Variants in PSPC1 observed in about 807,000 individuals in gnomAD.
PSPC1 encodes paraspeckle protein 1.
PSPC1 carries 14 observed loss-of-function variants against 51.6 expected under a neutral mutation model. The observed-to-expected ratio is 0.27, with a 90% CI of 0.18 to 0.42. The LOEUF (loss-of-function observed/expected upper bound fraction) is 0.42, where lower values mean the gene tolerates loss of function less well. PSPC1 is among the 10% of genes least tolerant of loss of function. PSPC1 has a pLI of 1.00. For synonymous variants in PSPC1, 193 were observed against 231.9 expected, an observed-to-expected ratio of 0.83 and a Z score of 1.53; for missense variants, 406 against 701.1, an observed-to-expected ratio of 0.58 and a Z score of 4.75.
intron 1 of PSPC1, among the ~76,000 whole-genome samples, chr13:19,774,814 A>AT (rs1172586886): frequency 6.7e-6 from 1 of 149,704 alleles, no homozygotes; most frequent in Non-Finnish European, 1.5e-5. Context: ...CCAAAAAAAA[A>AT]AAAACAAAAA....
chr13:19,706,000 T>C (rs1880607181), intron 7 of PSPC1, among the ~76,000 whole-genome samples, 169 bp from the exon 8 acceptor site: 2 of 152,220 alleles, frequency 1.3e-5, no homozygotes. Flanking sequence ...ACCTACACTC[T>C]AGAATTAGAA....
rs905550079 is a variant in PSPC1 at position 19,730,439 on chromosome 13, T to C, written c.1053-95A>G. The C allele has an allele frequency of 6.4e-5, 73 of 1,136,424 alleles. No individual in the cohort carries two copies. The African/African-American group carries it at 8.1e-4, about 13-fold the overall frequency. 70.4% of individuals were successfully genotyped at this position (1,136,424 alleles called of 1,614,324 possible). On this transcript the variant is annotated intron_variant, in intron 5 of 8. Transcript: ENST00000338910. ...TAAAATGAAATCATTTATGCAATCA[T>C]ATTATGCCAAACCTGTAATCACGAC...
Position 19,691,836 on chromosome 13 carries a change from T to C in PSPC1, c.1159-14013A>G, listed in dbSNP as rs369396335. Among the ~76,000 whole-genome samples the C allele has an allele frequency of 2.2e-3, 338 of 152,158 alleles. 11 individuals are homozygous for C. In the South Asian group the frequency reaches 0.053, roughly 24 times the overall value. ...AGAAGGCTGAGGCAGGACAATCACT[T>C]GAACCTGGGAGGTGGATGTTGCAGT... On this transcript the variant is annotated intron_variant and NMD_transcript_variant, in intron 6 of 7. Transcript: ENST00000471658.
At chr13:19,684,972 C>G (rs979663475) in intron 6 of PSPC1, among the ~76,000 whole-genome samples, 1 of 152,188 alleles carries the variant, frequency 6.6e-6, no homozygotes, top group Non-Finnish European at 1.5e-5. Context: ...AAACAGAAGA[C>G]AAGTTTAAAA....
chr13:19,687,854 C>T (rs1249927281), intron 6 of PSPC1, among the ~76,000 whole-genome samples: 1 of 152,030 alleles, frequency 6.6e-6, no homozygotes, highest in Admixed American at 6.5e-5. Context: ...CAAAAATCTC[C>T]TAACGATTTT....
rs35394300 is a variant in PSPC1, at chr13:19,768,974, CA to C, written c.674+3267del. Among the ~76,000 whole-genome samples, 687 of 123,714 alleles carry C rather than the reference CA, an allele frequency of 5.6e-3. 2 individuals carry two copies. Among genetic ancestry groups the C allele is most frequent in the Admixed American group, 5.7e-3 (69 of 12,128 alleles). 81.2% of individuals were successfully genotyped at this position (123,714 alleles called of 152,430 possible). A position where few individuals can be genotyped will look rare whatever the true frequency, so the allele number is the denominator to read the frequency against. On this transcript the variant is annotated intron_variant, in intron 2 of 8. Coordinates refer to ENST00000338910, the MANE Select transcript of PSPC1 (RefSeq NM_001354909.2). ...ACGTGGCGAAACCCCATCTCTACTG[CA>C]AAAAAAAAAAAAAAATTAGCCAGGC...
intron 3 of PSPC1, among the ~76,000 whole-genome samples, chr13:19,757,061 C>CG (rs2138179918): frequency 7.0e-6 from 1 of 143,740 alleles, no homozygotes; most frequent in South Asian, 2.3e-4. Context: ...ACCTGGGAGG[C>CG]GGGGGTTGCA....
chr13:19,683,015 C>T (rs1877453416), intron 6 of PSPC1, among the ~76,000 whole-genome samples: 1 of 152,050 alleles, frequency 6.6e-6, no homozygotes, highest in African/African-American at 2.4e-5. Flanking sequence ...CTGCAGTGAG[C>T]TATGATCGCA....
chr13:19,773,324 A>G lies in PSPC1; in HGVS notation c.373-781T>C, dbSNP rs558618091. Among the ~76,000 whole-genome samples the G allele has an allele frequency of 2.4e-4, 34 of 143,662 alleles. 1 individual carries two copies. The highest frequency in any genetic ancestry group is 4.8e-4 in the Non-Finnish European group (32 of 66,936). The allele number at this position is 143,662 out of a possible 152,430, so 94.2% of individuals were successfully genotyped here. On this transcript the variant is annotated intron_variant, in intron 1 of 8. Transcript: ENST00000338910. ...GAGTACAATGGCGTAATCTCGGCTC[A>G]CTGTAACCTCTGCCTCCTGGGTTCA... is the stretch of plus-strand genomic sequence containing the variant.
chr13:19,709,548 T>C lies in PSPC1; in HGVS notation c.1210A>G (p.Met404Val), dbSNP rs1881142361. The C allele has an allele frequency of 5.0e-6, 8 of 1,611,980 alleles. No homozygotes were observed. The highest frequency in any genetic ancestry group is 5.9e-6 in the Non-Finnish European group (7 of 1,179,296). ...GDMGPRGAIN[M>V]GDAFSPAPAG... ...TTTTGCTTCAAATCCCTACCTCCCA[T>C]GTTTATTGCTCCACGGGGACCCATA... Residue 404 changes from methionine (M) to valine (V), a missense_variant, in exon 7 of 9, where the codon ATG becomes GTG. Coordinates refer to ENST00000338910, the MANE Select transcript of PSPC1 (RefSeq NM_001354909.2).
At chr13:19,765,934 A>C (rs1332495646) in intron 2 of PSPC1, among the ~76,000 whole-genome samples, 2 of 152,212 alleles carry the variant, frequency 1.3e-5, no homozygotes, top group East Asian at 1.9e-4. Flanking sequence ...GTCTAAAAGT[A>C]ATCTCATTTA....
chr13:19,686,784 G>T (rs1877932979), intron 6 of PSPC1, among the ~76,000 whole-genome samples: 1 of 152,210 alleles, frequency 6.6e-6, no homozygotes, highest in Non-Finnish European at 1.5e-5. Context: ...GGATCTGAAT[G>T]ATGGCTATAA....
At chr13:19,737,495 C>T (rs996379872) in intron 5 of PSPC1, among the ~76,000 whole-genome samples, 2 of 152,004 alleles carry the variant, frequency 1.3e-5, no homozygotes, top group Non-Finnish European at 2.9e-5. Flanking sequence ...ATGTTATATC[C>T]CATTCAGTGA....
intron 6 of PSPC1, among the ~76,000 whole-genome samples, chr13:19,684,506 T>A (rs1336085785): frequency 1.3e-5 from 2 of 152,226 alleles, no homozygotes; most frequent in Non-Finnish European, 2.9e-5. Context: ...TCAAATAATA[T>A]TCAATAGTTT....
intron 6 of PSPC1, among the ~76,000 whole-genome samples, chr13:19,694,122 CAAAAAAAAAAAAA>C (rs71092389): frequency 4.2e-5 from 2 of 47,466 alleles, no homozygotes; most frequent in African/African-American, 8.6e-5. Context: ...GACTCCATCT[CAAAAAAAAAAAAA>C]AAAAAAAAAA....
intron 6 of PSPC1, among the ~76,000 whole-genome samples, chr13:19,693,344 G>C (rs1312070254): frequency 6.6e-6 from 1 of 152,080 alleles, no homozygotes; most frequent in Non-Finnish European, 1.5e-5. Context: ...ACAACAACTT[G>C]GTCAGTTTCC....
intron 2 of PSPC1, among the ~76,000 whole-genome samples, chr13:19,770,431 A>G (rs947282483): frequency 6.6e-6 from 1 of 152,098 alleles, no homozygotes; most frequent in Admixed American, 6.6e-5. Flanking sequence ...AGGCTCAGGC[A>G]GGTGGATTAC....
At chr13:19,734,059 T>C (rs1566006705) in intron 5 of PSPC1, among the ~76,000 whole-genome samples, 1 of 152,152 alleles carries the variant, frequency 6.6e-6, no homozygotes, top group African/African-American at 2.4e-5. Context: ...CTTACGATTA[T>C]ACCACACAGA....
intron 2 of PSPC1, among the ~76,000 whole-genome samples, chr13:19,763,047 G>A (rs1887736654): frequency 6.6e-6 from 1 of 151,940 alleles, no homozygotes; most frequent in Admixed American, 6.6e-5. Context: ...AGAGGTTGCA[G>A]TGAGCTGAGA....
Sources: gnomAD v4.1 joint callset for allele counts (sites outside exome capture counted in the v4.1 genomes callset) on GRCh38, gnomAD v4.1.1 for gene constraint, MANE v1.5 for transcripts, NCBI Gene and HGNC (gene_info 2026-07-23, HGNC 2026-07-21) for gene names.